NAALADL2: variants seen among roughly 807,000 people sequenced by gnomAD.
NAALADL2 encodes inactive N-acetylated-alpha-linked acidic dipeptidase-like protein 2.
Under a neutral mutation model 87.2 loss-of-function variants are expected in NAALADL2, and 76 were observed. The ratio of observed to expected loss-of-function variants is 0.87; its 90% confidence interval spans 0.72 to 1.05. NAALADL2 has a LOEUF of 1.05. Among genes scored for constraint, NAALADL2 ranks in the 50% least tolerant of loss-of-function variants. The probability of loss-of-function intolerance (pLI) is 0.00; values close to 1 mark genes in which losing one functional copy is unlikely to be tolerated. For missense variants in NAALADL2, 1,089 were observed against 945.8 expected, an observed-to-expected ratio of 1.15 and a Z score of -1.99; for synonymous variants, 354 against 331.0, an observed-to-expected ratio of 1.07 and a Z score of -0.75.
chr3:175,000,002 A>G (rs1343358019), intron 1 of NAALADL2, among the ~76,000 whole-genome samples: 1 of 152,190 alleles, frequency 6.6e-6, no homozygotes, highest in Non-Finnish European at 1.5e-5. Flanking sequence ...GCTTTTAACT[A>G]AGAAATCAGA....
At chr3:174,712,734 T>C (rs1034957927) in intron 2 of NAALADL2, among the ~76,000 whole-genome samples, 4 of 152,090 alleles carry the variant, frequency 2.6e-5, no homozygotes, top group African/African-American at 4.8e-5. Context: ...GAAGAAGATA[T>C]TCCTTTGATT....
chr3:174,867,845 G>C (rs1012922425), intron 1 of NAALADL2, among the ~76,000 whole-genome samples: 2 of 152,062 alleles, frequency 1.3e-5, no homozygotes, highest in African/African-American at 2.4e-5. Context: ...GAGATTGGAA[G>C]TAGTGCACTG....
At chr3:174,535,823 G>A (rs1429109454) in intron 1 of NAALADL2, among the ~76,000 whole-genome samples, 1 of 151,974 alleles carries the variant, frequency 6.6e-6, no homozygotes, top group Non-Finnish European at 1.5e-5. Context: ...CTCTGGATTG[G>A]ATTGCATTTT....
At chr3:175,763,271 A>G (rs1490534541) in intron 13 of NAALADL2, among the ~76,000 whole-genome samples, 1 of 152,152 alleles carries the variant, frequency 6.6e-6, no homozygotes, top group South Asian at 2.1e-4. Flanking sequence ...ATATTCTCCT[A>G]TGTTTTAACT....
intron 1 of NAALADL2, among the ~76,000 whole-genome samples, chr3:175,048,935 C>G (rs900813157): frequency 6.6e-6 from 1 of 152,022 alleles, no homozygotes; most frequent in Admixed American, 6.6e-5. Context: ...TTAGACAAAC[C>G]ACTTAGTTTC....
intron 2 of NAALADL2, among the ~76,000 whole-genome samples, chr3:175,221,785 A>ATTTTTTTT (rs1560185177): frequency 6.6e-6 from 1 of 150,498 alleles, no homozygotes; most frequent in African/African-American, 2.5e-5. Context: ...TTATTTATTT[A>ATTTTTTTT]TTTTTTTGGA....
At chr3:175,062,905 C>T (rs1429530571) in intron 1 of NAALADL2, among the ~76,000 whole-genome samples, 1 of 152,098 alleles carries the variant, frequency 6.6e-6, no homozygotes, top group African/African-American at 2.4e-5. Flanking sequence ...ATATTAAACT[C>T]CCCTTCCTAT....
chr3:174,557,414 A>C (rs968333564), intron 2 of NAALADL2, among the ~76,000 whole-genome samples: 5 of 152,078 alleles, frequency 3.3e-5, no homozygotes, highest in African/African-American at 1.2e-4. Context: ...GGTCTGTTAC[A>C]CTTTTGATGT....
chr3:174,751,878 G>A (rs1025840363), intron 3 of NAALADL2, among the ~76,000 whole-genome samples: 8 of 151,944 alleles, frequency 5.3e-5, no homozygotes, highest in Non-Finnish European at 2.9e-5. Flanking sequence ...GTGTGTGTGC[G>A]CGTGCGCAAT....
chr3:175,666,523 C>A (rs1402674019), intron 11 of NAALADL2, among the ~76,000 whole-genome samples: 2 of 152,084 alleles, frequency 1.3e-5, no homozygotes, highest in Non-Finnish European at 2.9e-5. Flanking sequence ...TTTCTCAAAT[C>A]GTGTGCATAT....
At chr3:175,064,468 C>A (rs78378068) in intron 1 of NAALADL2, among the ~76,000 whole-genome samples, 3 of 151,972 alleles carry the variant, frequency 2.0e-5, no homozygotes, top group Non-Finnish European at 4.4e-5. Context: ...GCATCCAGGG[C>A]GCCTTAACTG....
intron 6 of NAALADL2, among the ~76,000 whole-genome samples, chr3:175,460,709 A>G (rs1722985810): frequency 6.6e-6 from 1 of 152,186 alleles, no homozygotes; most frequent in Non-Finnish European, 1.5e-5. Flanking sequence ...AAGTAAGCAA[A>G]AGAGTTGGTA....
At chr3:175,280,609 C>T (rs1754166089) in intron 4 of NAALADL2, among the ~76,000 whole-genome samples, 2 of 152,022 alleles carry the variant, frequency 1.3e-5, no homozygotes. Flanking sequence ...TAATTATGAT[C>T]ACTTGCTTCG....
At chr3:175,122,250 T>A (rs1368177832) in intron 2 of NAALADL2, among the ~76,000 whole-genome samples, 1 of 151,838 alleles carries the variant, frequency 6.6e-6, no homozygotes, top group Non-Finnish European at 1.5e-5. Context: ...ACTGGGCCAC[T>A]GCAATCAACA....
At chr3:175,406,907 G>A (rs866739188) in intron 5 of NAALADL2, among the ~76,000 whole-genome samples, 9 of 151,996 alleles carry the variant, frequency 5.9e-5, no homozygotes, top group East Asian at 1.9e-4. Flanking sequence ...TCGGCCGGGC[G>A]CTGTGGCTCA....
chr3:174,787,993 G>A lies in NAALADL2; in HGVS notation c.-9+50247G>A, dbSNP rs996875324. 1.1e-4 allele frequency among the ~76,000 whole-genome samples: 16 copies of A among 152,078 alleles called. No homozygotes were observed. The East Asian group carries it at 2.7e-3, about 26-fold the overall frequency. On this transcript the variant is annotated intron_variant, in intron 3 of 3. Transcript: ENST00000434257. ...ATCACCGTTAGAGTGCTTGTGATAC[G>A]GAGATTAGACAATAGATAGATGAGT...
chr3:174,489,665 GA>G (rs1718060795), intron 1 of NAALADL2, among the ~76,000 whole-genome samples: 1 of 152,000 alleles, frequency 6.6e-6, no homozygotes, highest in Admixed American at 6.6e-5. Context: ...AAAAGAATCA[GA>G]GTAGACATTT....
chr3:174,778,410 G>T (rs1421298283), intron 3 of NAALADL2, among the ~76,000 whole-genome samples: 2 of 151,838 alleles, frequency 1.3e-5, no homozygotes, highest in Non-Finnish European at 2.9e-5. Context: ...TTGAAAGAGG[G>T]ATTTTTATTC....
intron 3 of NAALADL2, among the ~76,000 whole-genome samples, chr3:174,781,836 G>A (rs1274943980): frequency 6.6e-6 from 1 of 152,044 alleles, no homozygotes; most frequent in Admixed American, 6.6e-5. Flanking sequence ...GTGCAAGGGA[G>A]GATGGTTTGT....
Sources: gnomAD v4.1 joint callset for allele counts (sites outside exome capture counted in the v4.1 genomes callset) on GRCh38, gnomAD v4.1.1 for gene constraint, MANE v1.5 for transcripts, NCBI Gene and HGNC (gene_info 2026-07-23, HGNC 2026-07-21) for gene names.